The following CNTNAP2 variants were observed in gnomAD, a reference collection of about 807,000 sequenced individuals.
The protein encoded by CNTNAP2 is contactin-associated protein-like 2.
Under a neutral mutation model 155.2 loss-of-function variants are expected in CNTNAP2, and 98 were observed. The observed-to-expected ratio is 0.63, with a 90% CI of 0.54 to 0.75. The LOEUF (loss-of-function observed/expected upper bound fraction) is 0.75, where lower values mean the gene tolerates loss of function less well. Among genes scored for constraint, CNTNAP2 ranks in the 30% least tolerant of loss-of-function variants. The pLI is 0.00. For missense variants in CNTNAP2, 1,727 were observed against 1,688.1 expected, an observed-to-expected ratio of 1.02 and a Z score of -0.40; for synonymous variants, 651 against 631.2, an observed-to-expected ratio of 1.03 and a Z score of -0.47.
intron 4 of CNTNAP2, among the ~76,000 whole-genome samples, chr7:147,106,202 G>A (rs986386901): frequency 6.6e-5 from 10 of 152,044 alleles, no homozygotes; most frequent in African/African-American, 2.4e-4. Context: ...TTATTTAACT[G>A]TCACTGATAG....
intron 9 of CNTNAP2, among the ~76,000 whole-genome samples, chr7:147,313,228 T>C (rs541066457): frequency 6.6e-6 from 1 of 152,168 alleles, no homozygotes; most frequent in Non-Finnish European, 1.5e-5. Context: ...CCCACTCTGC[T>C]GGTAGTTTCT....
At chr7:146,977,422 G>A (rs942326270) in intron 3 of CNTNAP2, among the ~76,000 whole-genome samples, 3 of 152,118 alleles carry the variant, frequency 2.0e-5, no homozygotes, top group Admixed American at 1.3e-4. Context: ...AGAATGAAAC[G>A]ATATAATTAT....
intron 1 of CNTNAP2, among the ~76,000 whole-genome samples, chr7:146,378,702 C>T (rs1173932686): frequency 6.6e-6 from 1 of 152,128 alleles, no homozygotes; most frequent in African/African-American, 2.4e-5. Flanking sequence ...ATGTTACAAG[C>T]ACTGGGAAAC....
intron 3 of CNTNAP2, among the ~76,000 whole-genome samples, chr7:146,884,503 T>C (rs1415179651): frequency 6.6e-6 from 1 of 152,126 alleles, no homozygotes; most frequent in Admixed American, 6.6e-5. Flanking sequence ...CTGAGTGAGA[T>C]GTTTCCTACT....
intron 1 of CNTNAP2, among the ~76,000 whole-genome samples, chr7:146,679,147 C>T (rs779433583): frequency 3.3e-5 from 5 of 152,006 alleles, no homozygotes; most frequent in Non-Finnish European, 7.4e-5. Context: ...ATTTCTGATC[C>T]TCTTCCTCCT....
In CNTNAP2 at chr7:148,129,518, G is replaced by A. The variant is rs1350585778; in HGVS notation, c.2554+11230G>A. On this transcript the variant is annotated intron_variant, in intron 16 of 23. Coordinates refer to ENST00000361727, the MANE Select transcript of CNTNAP2 (RefSeq NM_014141.6). ...TGCATATGTAAAAATGTATCCAGCT[G>A]TGCATTAAGATATGCACATTTTACC... Among the ~76,000 whole-genome samples the A allele has an allele frequency of 5.9e-5, 9 of 152,214 alleles. No individual in the cohort carries two copies. The South Asian group carries it at 1.5e-3, about 25-fold the overall frequency.
chr7:146,954,193 G>A lies in CNTNAP2; in HGVS notation c.403-89714G>A, dbSNP rs557003624. ...GTTAACTTATAATCTCTCACGCAAT[G>A]GTTTCTCCTAGTGTTTAATAAAATG... On this transcript the variant is annotated intron_variant, in intron 3 of 23. Coordinates refer to ENST00000361727, the MANE Select transcript of CNTNAP2 (RefSeq NM_014141.6). Among the ~76,000 whole-genome samples, 26 of 152,002 alleles carry A rather than the reference G, an allele frequency of 1.7e-4. 1 individual carries two copies. Among genetic ancestry groups the A allele is most frequent in the Non-Finnish European group, 2.8e-4 (19 of 67,832 alleles).
intron 14 of CNTNAP2, among the ~76,000 whole-genome samples, chr7:147,960,518 C>A (rs764495076): frequency 5.9e-5 from 9 of 152,100 alleles, no homozygotes; most frequent in Non-Finnish European, 1.2e-4. Flanking sequence ...TGAGAATAAT[C>A]CAGGCAGACA....
intron 13 of CNTNAP2, among the ~76,000 whole-genome samples, chr7:147,877,771 G>T (rs565608752): frequency 1.3e-5 from 2 of 151,830 alleles, no homozygotes; most frequent in East Asian, 1.9e-4. Flanking sequence ...TGTTGTTGTT[G>T]TTTTTTACCT....
intron 2 of CNTNAP2, among the ~76,000 whole-genome samples, chr7:146,821,299 G>C (rs953762932): frequency 2.0e-5 from 3 of 151,562 alleles, no homozygotes; most frequent in African/African-American, 4.9e-5. Context: ...GCAGTGGCTG[G>C]TACCAGTTGT....
chr7:147,743,807 T>G (rs1433738254), intron 13 of CNTNAP2, among the ~76,000 whole-genome samples: 1 of 152,072 alleles, frequency 6.6e-6, no homozygotes, highest in Non-Finnish European at 1.5e-5. Flanking sequence ...CATCCCTATC[T>G]CCTCCCCCAG....
chr7:146,344,245 T>C (rs2129097135), intron 1 of CNTNAP2, among the ~76,000 whole-genome samples: 1 of 152,328 alleles, frequency 6.6e-6, no homozygotes, highest in South Asian at 2.1e-4. Flanking sequence ...AAACTATCTT[T>C]ACTAGATTTG....
At chr7:146,972,276 A>C (rs1456224794) in intron 3 of CNTNAP2, among the ~76,000 whole-genome samples, 1 of 152,238 alleles carries the variant, frequency 6.6e-6, no homozygotes, top group African/African-American at 2.4e-5. Context: ...GATACTATAT[A>C]CTATGTACAT....
chr7:146,896,618 G>C (rs1795883151), intron 3 of CNTNAP2, among the ~76,000 whole-genome samples: 1 of 151,902 alleles, frequency 6.6e-6, no homozygotes, highest in South Asian at 2.1e-4. Context: ...TGGTGCAAAA[G>C]CAATTGCAAA....
rs150044398 is a variant in CNTNAP2 at position 147,042,174 on chromosome 7, T to G, written c.403-1733T>G. Among the ~76,000 whole-genome samples the G allele has an allele frequency of 3.9e-3, 594 of 152,294 alleles. 9 individuals carry two copies. The highest frequency in any genetic ancestry group is 0.014 in the Middle Eastern group (4 of 294). ...AGTTTTGTTTTATGGATTACAGAAG[T>G]GTATGGCTATTTTTAAAAGGCAGTG... On this transcript the variant is annotated intron_variant, in intron 3 of 23. Transcript: ENST00000361727.
intron 13 of CNTNAP2, among the ~76,000 whole-genome samples, chr7:147,735,733 T>C (rs1213013321): frequency 4.6e-5 from 7 of 152,210 alleles, no homozygotes; most frequent in Admixed American, 1.3e-4. Context: ...ATATTTAAGA[T>C]AGTTAGTTCT....
chr7:147,354,760 G>C (rs577794846), intron 9 of CNTNAP2, among the ~76,000 whole-genome samples: 2 of 152,118 alleles, frequency 1.3e-5, no homozygotes, highest in East Asian at 3.9e-4. Flanking sequence ...GATTCTTCCT[G>C]TGCATGAGCA....
rs147706435 is a variant in CNTNAP2, at chr7:147,202,021, A to C, written c.1348+69512A>C. ...AAATGTTAGCATATCTGTACCAATA[A>C]ACTAATTTCTAACCATAAATATTTG... On this transcript the variant is annotated intron_variant, in intron 8 of 23. Transcript: ENST00000361727. Among the ~76,000 whole-genome samples the C allele has an allele frequency of 4.6e-5, 7 of 152,284 alleles. No homozygotes were observed. The East Asian group carries it at 1.4e-3, about 29-fold the overall frequency.
chr7:147,148,315 G>C (rs1049484146), intron 8 of CNTNAP2, among the ~76,000 whole-genome samples: 2 of 150,114 alleles, frequency 1.3e-5, no homozygotes, highest in Non-Finnish European at 3.0e-5. Context: ...GCGTGAACCC[G>C]GGAGGCGGAG....
Sources: allele counts gnomAD v4.1 joint callset (sites outside exome capture counted in the v4.1 genomes callset), GRCh38; gene constraint gnomAD v4.1.1; transcripts MANE v1.5; gene names NCBI Gene and HGNC (gene_info 2026-07-23, HGNC 2026-07-21).